The following NAV2 variants were observed in gnomAD, a reference collection of about 807,000 sequenced individuals.
NAV2 encodes helicase, APC down-regulated 1.
NAV2 carries 54 observed loss-of-function variants against 223.2 expected under a neutral mutation model. The ratio of observed to expected loss-of-function variants is 0.24; its 90% CI spans 0.19 to 0.30. The LOEUF (loss-of-function observed/expected upper bound fraction) is 0.30, where lower values mean the gene tolerates loss of function less well. NAV2 is among the 10% of genes least tolerant of loss of function. The pLI, the probability that NAV2 is intolerant of heterozygous loss-of-function variation, is 1.00. For missense variants in NAV2, 2,806 were observed against 3,147.5 expected, an observed-to-expected ratio of 0.89 and a Z score of 2.60; for synonymous variants, 1,279 against 1,239.3, an observed-to-expected ratio of 1.03 and a Z score of -0.67.
intron 1 of NAV2, among the ~76,000 whole-genome samples, chr11:19,411,078 C>T (rs1338844690): frequency 6.6e-6 from 1 of 152,172 alleles, no homozygotes; most frequent in Non-Finnish European, 1.5e-5. Context: ...CACACACGGG[C>T]ATGCCAGTCA....
chr11:20,101,063 G>A lies in NAV2; in HGVS notation c.6308G>A (p.Gly2103Glu). The A allele has an allele frequency of 6.2e-7, 1 of 1,614,074 alleles. No homozygotes were observed. Among genetic ancestry groups the A allele is most frequent in the Non-Finnish European group, 8.5e-7 (1 of 1,180,022 alleles). ...RIILSGPSGT[G>E]KTYLANRLSE... is the part of the protein sequence containing the mutation. The stretch of plus-strand genomic sequence containing the variant: ...ATTCTCTCTGGCCCCAGCGGCACTG[G>A]GAAAACCTACCTGGCCAACCGGCTG... The change falls in exon 32 of 38, where the codon GGG (glycine) becomes GAG (glutamate). Residue 2103 changes from glycine to glutamate, a missense_variant. Transcript: ENST00000349880.
At chr11:19,976,214 A>G (rs1446280007) in intron 10 of NAV2, among the ~76,000 whole-genome samples, 1 of 152,064 alleles carries the variant, frequency 6.6e-6, no homozygotes, top group Middle Eastern at 3.2e-3. Context: ...GGGTTTATGG[A>G]AATGTTGAGT....
chr11:19,726,077 A>C (rs1320559113), intron 1 of NAV2, among the ~76,000 whole-genome samples: 2 of 152,216 alleles, frequency 1.3e-5, no homozygotes, highest in African/African-American at 4.8e-5. Context: ...AAGGGCAGAC[A>C]GGGTGCTTAT....
At chr11:19,772,709 C>A (rs1368609581) in intron 1 of NAV2, among the ~76,000 whole-genome samples, 1 of 152,212 alleles carries the variant, frequency 6.6e-6, no homozygotes, top group African/African-American at 2.4e-5. Flanking sequence ...CTGACATCCC[C>A]CCATCAGCCT....
intron 1 of NAV2, among the ~76,000 whole-genome samples, chr11:19,616,488 A>AG (rs916927878): frequency 1.3e-5 from 2 of 152,078 alleles, no homozygotes; most frequent in African/African-American, 4.8e-5. Context: ...AGACTCTCCT[A>AG]GGACACTTTG....
At chr11:19,598,967 T>C (rs577747481) in intron 1 of NAV2, among the ~76,000 whole-genome samples, 59 of 152,318 alleles carry the variant, frequency 3.9e-4, no homozygotes, top group African/African-American at 1.3e-3. Context: ...CCATTTGAAA[T>C]GTCTGGGTCC....
At chr11:19,636,763 C>T (rs1184597984) in intron 1 of NAV2, among the ~76,000 whole-genome samples, 1 of 152,174 alleles carries the variant, frequency 6.6e-6, no homozygotes, top group Non-Finnish European at 1.5e-5. Flanking sequence ...AGCCACCGCA[C>T]CCGGCCGAGT....
chr11:19,683,316 G>A (rs1298445055), intron 1 of NAV2, among the ~76,000 whole-genome samples: 1 of 152,146 alleles, frequency 6.6e-6, no homozygotes, highest in Non-Finnish European at 1.5e-5. Flanking sequence ...GTAACAGAAA[G>A]CCTCATGGCA....
intron 1 of NAV2, among the ~76,000 whole-genome samples, chr11:19,422,942 CTT>C (rs1266736321): frequency 2.0e-5 from 3 of 152,208 alleles, no homozygotes; most frequent in Non-Finnish European, 4.4e-5. Context: ...CTTCCTCTCT[CTT>C]GGCCATTGTT....
At chr11:20,090,454 A>T (rs2060761179) in intron 26 of NAV2, among the ~76,000 whole-genome samples, 1 of 152,152 alleles carries the variant, frequency 6.6e-6, no homozygotes. Context: ...AGAGAATGAA[A>T]TCTTGTCTCT....
rs114732509 is a variant in NAV2 at position 19,597,574 on chromosome 11, G to A, written c.76-234910G>A. Among the ~76,000 whole-genome samples, 1,030 of 152,368 alleles carry A rather than the reference G, an allele frequency of 6.8e-3. 8 individuals carry two copies. The highest frequency in any genetic ancestry group is 0.023 in the African/African-American group (973 of 41,598). On this transcript the variant is annotated intron_variant, in intron 1 of 37. Transcript: ENST00000360655. ...TGAGGAGAATAGCCATGTGGTGGCT[G>A]CAGAGCCTGGTGCAGAAATTCTCAT...
At chr11:19,569,880 AG>A (rs1321835688) in intron 1 of NAV2, among the ~76,000 whole-genome samples, 1 of 152,182 alleles carries the variant, frequency 6.6e-6, no homozygotes, top group East Asian at 1.9e-4. Flanking sequence ...TTTATAAGGA[AG>A]GAAAGTACAA....
At chr11:19,743,744 G>A (rs751260253) in intron 1 of NAV2, among the ~76,000 whole-genome samples, 2 of 152,256 alleles carry the variant, frequency 1.3e-5, no homozygotes, top group African/African-American at 2.4e-5. Context: ...TCTGATGATA[G>A]ACAAAGAGCC....
chr11:19,831,898 T>C (rs1278252453), intron 1 of NAV2, among the ~76,000 whole-genome samples: 1 of 152,208 alleles, frequency 6.6e-6, no homozygotes, highest in African/African-American at 2.4e-5. Flanking sequence ...GCTTTTAAAT[T>C]AAACCGATTA....
chr11:20,051,354 C>T (rs1023343330), intron 17 of NAV2, 21 bp downstream of exon 17: 2 of 1,610,294 alleles, frequency 1.2e-6, no homozygotes, highest in Admixed American at 1.7e-5. Context: ...TTCCTCCTTG[C>T]ATCTGTGCCA....
chr11:19,420,419 A>T (rs1850561429), intron 1 of NAV2, among the ~76,000 whole-genome samples: 1 of 152,332 alleles, frequency 6.6e-6, no homozygotes, highest in Admixed American at 6.5e-5. Flanking sequence ...GAGTTATTCC[A>T]TTCCTAGGTA....
Position 20,114,596 on chromosome 11 carries a change from A to T in NAV2, c.6965A>T (p.Tyr2322Phe), listed in dbSNP as rs1469393345. 1.2e-6 allele frequency: 2 copies of T among 1,614,066 alleles called. No homozygotes were observed. The highest frequency in any genetic ancestry group is 3.3e-5 in the Admixed American group (2 of 60,022). The change falls in exon 37 of 38, where the codon TAT (tyrosine) becomes TTT (phenylalanine). Residue 2322 changes from tyrosine (Y) to phenylalanine (F), a missense_variant. Coordinates refer to ENST00000349880, the MANE Select transcript of NAV2 (RefSeq NM_145117.5). ...LEAVREGLQL[Y>F]GRRAPWEDPA... is the part of the protein sequence containing the mutation. ...TCCTTCTTTGCCTGTTTTCAGCTCT[A>T]TGGAAGGCGCGCCCCCTGGGAGGAT...
At chr11:19,603,631 C>CA (rs1222524445) in intron 1 of NAV2, among the ~76,000 whole-genome samples, 16,211 of 56,730 alleles carry the variant, frequency 0.29, 3,249 homozygotes, top group African/African-American at 0.54. Context: ...GACTCCATCT[C>CA]AAAAAAAAAA....
chr11:19,959,305 G>A (rs985161617), intron 10 of NAV2, among the ~76,000 whole-genome samples: 2 of 152,178 alleles, frequency 1.3e-5, no homozygotes, highest in Non-Finnish European at 2.9e-5. Context: ...GGAACTCAGG[G>A]CGCAGAGGGG....
Sources: allele counts gnomAD v4.1 joint callset (sites outside exome capture counted in the v4.1 genomes callset), GRCh38; gene constraint gnomAD v4.1.1; transcripts MANE v1.5; gene names NCBI Gene and HGNC (gene_info 2026-07-23, HGNC 2026-07-21).